KAZN: variants seen among roughly 807,000 people sequenced by gnomAD.
KAZN encodes the protein kazrin, periplakin interacting protein.
A neutral mutation model predicts 87.4 loss-of-function variants in KAZN; 40 were observed. That is an observed-to-expected ratio of 0.46 (90% CI 0.36 to 0.60). The LOEUF (loss-of-function observed/expected upper bound fraction) is 0.60. KAZN is among the 20% of genes least tolerant of loss of function. KAZN has a pLI of 0.00. For synonymous variants in KAZN, 466 were observed against 458.3 expected (o/e 1.02, Z -0.22); for missense variants, 898 against 1,073.9 (o/e 0.84, Z 2.29).
At chr1:15,110,810 T>C (rs1461450685) in intron 13 of KAZN, among the ~76,000 whole-genome samples, 1 of 152,192 alleles carries the variant, frequency 6.6e-6, no homozygotes, top group African/African-American at 2.4e-5. Context: ...TTGTGTATCT[T>C]TGGACAAGAC....
At position 13,923,588 on chromosome 1, in the gene KAZN, A is replaced by AAAG. The variant is rs1553174048; in HGVS notation, c.91+29834_91+29835insGAA. Among the ~76,000 whole-genome samples the AAAG allele has an allele frequency of 4.8e-4, 67 of 139,904 alleles. 2 individuals carry two copies. Among genetic ancestry groups the AAAG allele is most frequent in the East Asian group, 1.0e-3 (5 of 4,820 alleles). 91.8% of individuals were successfully genotyped at this position (139,904 alleles called of 152,430 possible). A position where few individuals can be genotyped will look rare whatever the true frequency, so the allele number is the denominator to read the frequency against. On this transcript the variant is annotated intron_variant, in intron 1 of 16. Coordinates refer to the KAZN transcript ENST00000636203. ...ACTCCATCTCAAAAAAAAAAAAAAA[A>AAAG]AAAATATAATTACTGTTTGTTAAGT...
At chr1:14,159,203 C>T (rs1272550197) in intron 1 of KAZN, among the ~76,000 whole-genome samples, 1 of 152,150 alleles carries the variant, frequency 6.6e-6, no homozygotes, top group Non-Finnish European at 1.5e-5. Context: ...TGATGAGTTC[C>T]CCCAGGCTCC....
At chr1:13,981,121 A>ATG (rs1638682919) in intron 1 of KAZN, among the ~76,000 whole-genome samples, 1 of 98,250 alleles carries the variant, frequency 1.0e-5, no homozygotes. Context: ...GTATATATAA[A>ATG]CACAGATTAT....
At chr1:14,093,606 T>G (rs974470837) in intron 1 of KAZN, among the ~76,000 whole-genome samples, 1 of 152,146 alleles carries the variant, frequency 6.6e-6, no homozygotes, top group Admixed American at 6.5e-5. Context: ...TGGGACATTC[T>G]TGTAGGGGAG....
At position 14,778,090 on chromosome 1, in the gene KAZN, G is replaced by A. The variant is rs149344361; in HGVS notation, c.226+178867G>A. On this transcript the variant is annotated intron_variant, in intron 1 of 14. Transcript: ENST00000376030. ...ACCTCCTGTCTCATCCTGTGAAAAAGAGTGCCTTAACCTCCTGGGAATGCA... is the reference window on the plus strand; with the variant it reads ...ACCTCCTGTCTCATCCTGTGAAAAAAAGTGCCTTAACCTCCTGGGAATGCA... Among the ~76,000 whole-genome samples, 1,309 of 152,216 alleles carry A rather than the reference G, an allele frequency of 8.6e-3. 15 individuals carry two copies. Among genetic ancestry groups the A allele is most frequent in the Middle Eastern group, 0.044 (13 of 294 alleles).
intron 1 of KAZN, among the ~76,000 whole-genome samples, chr1:14,932,901 G>A (rs12569359): frequency 0.097 from 14,674 of 151,942 alleles, 947 homozygotes; most frequent in East Asian, 0.28. Context: ...GTGTTGAAGG[G>A]CCATCACCAC....
chr1:14,169,037 GAAAT>G (rs1308693093), intron 1 of KAZN, among the ~76,000 whole-genome samples: 4 of 152,190 alleles, frequency 2.6e-5, no homozygotes, highest in Non-Finnish European at 5.9e-5. Flanking sequence ...GAAGTCTTGA[GAAAT>G]AAAAGGCATT....
intron 1 of KAZN, among the ~76,000 whole-genome samples, chr1:14,899,948 CT>C (rs1655676866): frequency 6.6e-6 from 1 of 152,256 alleles, no homozygotes; most frequent in Non-Finnish European, 1.5e-5. Flanking sequence ...TGCCCACCCC[CT>C]CCATCTTCTC....
upstream of KAZN, chr1:14,598,677 G>C (rs1676677777): frequency 1.6e-6 from 2 of 1,271,748 alleles, no homozygotes; most frequent in African/African-American, 1.6e-5. The surrounding 1 kb of genome is among the most constrained non-coding windows in gnomAD (Gnocchi z 4.2). Context: ...CTGGTGGCGC[G>C]CGGTGTCCTT....
chr1:15,088,091 G>A (rs548968267), intron 8 of KAZN, among the ~76,000 whole-genome samples: 13 of 152,310 alleles, frequency 8.5e-5, no homozygotes, highest in African/African-American at 2.4e-4. Context: ...CTTTTGCACC[G>A]GGCCAAAAAA....
At position 14,003,800 on chromosome 1, in the gene KAZN, G is replaced by A. The variant is rs544971986; in HGVS notation, c.91+110044G>A. ...AGAAAATGTAGGAGAGCAGATTTAT[G>A]ATTTTGAGGCAGTCAACATTGTTTT... is the stretch of plus-strand genomic sequence containing the variant. On this transcript the variant is annotated intron_variant, in intron 1 of 16. Transcript: ENST00000636203. Among the ~76,000 whole-genome samples the A allele has an allele frequency of 1.8e-4, 27 of 152,274 alleles. No individual in the cohort carries two copies. The South Asian group carries it at 5.0e-3, about 28-fold the overall frequency.
At chr1:13,956,906 A>G (rs1049346169) in intron 1 of KAZN, among the ~76,000 whole-genome samples, 2 of 152,164 alleles carry the variant, frequency 1.3e-5, no homozygotes, top group African/African-American at 4.8e-5. Context: ...TTACTAAGTG[A>G]AGCTATGGCA....
intron 2 of KAZN, among the ~76,000 whole-genome samples, chr1:14,479,165 G>A (rs1668935325): frequency 6.6e-6 from 1 of 152,180 alleles, no homozygotes; most frequent in Admixed American, 6.5e-5. Context: ...GGCAGGCCAA[G>A]TGGGCCCCTG....
chr1:14,735,107 C>T lies in KAZN; in HGVS notation c.226+135884C>T, dbSNP rs1474464070. Reference sequence around the variant, plus strand: ...CGGAGTCTCGCTCTTTCGCCCAGGCCGGACTGTAGTGGCGCTATCTCGGCT... The same window carrying T: ...CGGAGTCTCGCTCTTTCGCCCAGGCTGGACTGTAGTGGCGCTATCTCGGCT... On this transcript the variant is annotated intron_variant, in intron 1 of 14. Transcript: ENST00000376030. The surrounding 1 kb of genome is among the most constrained non-coding windows in gnomAD (Gnocchi z 4.3). Among the ~76,000 whole-genome samples the T allele has an allele frequency of 6.6e-5, 10 of 152,094 alleles. No homozygotes were observed. The highest frequency in any genetic ancestry group is 1.2e-4 in the Non-Finnish European group (8 of 68,000).
intron 1 of KAZN, among the ~76,000 whole-genome samples, chr1:14,656,941 A>T (rs1418042500): frequency 1.3e-5 from 2 of 152,328 alleles, no homozygotes; most frequent in East Asian, 3.9e-4. Context: ...CAGGCCAGGA[A>T]ACTGAAGTTG....
At chr1:14,406,661 A>G (rs1328187169) in intron 2 of KAZN, among the ~76,000 whole-genome samples, 1 of 152,208 alleles carries the variant, frequency 6.6e-6, no homozygotes, top group East Asian at 1.9e-4. Context: ...CATGTAACCA[A>G]ATACCACCTG....
chr1:13,963,590 C>T (rs1051174300), intron 1 of KAZN, among the ~76,000 whole-genome samples: 1 of 152,278 alleles, frequency 6.6e-6, no homozygotes. Context: ...ATCATCCAGG[C>T]AATTATAGAA....
chr1:14,510,205 T>C (rs1004913241), intron 2 of KAZN, among the ~76,000 whole-genome samples: 4 of 151,892 alleles, frequency 2.6e-5, no homozygotes, highest in Admixed American at 1.3e-4. Context: ...ATGGAGAAAC[T>C]CTGTCTCTAC....
At chr1:14,408,634 G>A (rs962871659) in intron 2 of KAZN, among the ~76,000 whole-genome samples, 3 of 152,090 alleles carry the variant, frequency 2.0e-5, no homozygotes, top group African/African-American at 7.2e-5. Context: ...CTTCTTATAA[G>A]GACACTTACC....
Sources: allele counts gnomAD v4.1 joint callset (sites outside exome capture counted in the v4.1 genomes callset), GRCh38; gene constraint gnomAD v4.1.1; non-coding constraint Gnocchi (gnomAD v3.1); transcripts MANE v1.5; gene names NCBI Gene and HGNC (gene_info 2026-07-23, HGNC 2026-07-21).